Variants in COL14A1 observed in about 807,000 individuals in gnomAD.
The protein encoded by COL14A1 is collagen alpha-1(XIV) chain.
In COL14A1, 136 loss-of-function variants were observed where a neutral mutation model predicts 230.3. That is an observed-to-expected ratio of 0.59 (90% CI 0.51 to 0.68). The LOEUF (loss-of-function observed/expected upper bound fraction) is 0.68. Among genes scored for constraint, COL14A1 ranks in the 30% least tolerant of loss-of-function variants. The pLI is 0.00. For synonymous variants in COL14A1, 792 were observed against 784.1 expected, an observed-to-expected ratio of 1.01 and a Z score of -0.17; for missense variants, 1,976 against 2,215.8, an observed-to-expected ratio of 0.89 and a Z score of 2.17.
intron 34 of COL14A1, among the ~76,000 whole-genome samples, chr8:120,292,312 G>C (rs1820398035): frequency 6.6e-6 from 1 of 152,084 alleles, no homozygotes; most frequent in African/African-American, 2.4e-5. Flanking sequence ...AGCACTCTCT[G>C]TGGTTATTTC....
intron 18 of COL14A1, among the ~76,000 whole-genome samples, chr8:120,229,703 A>G (rs532672945): frequency 1.1e-4 from 16 of 152,208 alleles, no homozygotes; most frequent in African/African-American, 3.4e-4. Flanking sequence ...TTCCACAATG[A>G]TTGAACTAGT....
intron 1 of COL14A1, among the ~76,000 whole-genome samples, chr8:120,127,285 C>G (rs1814375018): frequency 6.6e-6 from 1 of 152,220 alleles, no homozygotes; most frequent in African/African-American, 2.4e-5. Flanking sequence ...CTCCTTCTCC[C>G]TGGGGATCCC....
chr8:120,208,460 C>A (rs933335517), intron 11 of COL14A1, 99 bp downstream of exon 11: 10 of 1,301,696 alleles, frequency 7.7e-6, no homozygotes, highest in Non-Finnish European at 1.1e-5. Context: ...GATAGACATC[C>A]TGAATCGAAT....
intron 26 of COL14A1, among the ~76,000 whole-genome samples, chr8:120,271,291 A>G (rs1819658855): frequency 6.6e-6 from 1 of 151,568 alleles, no homozygotes. Context: ...GAATATCTGG[A>G]TGATAAAATA....
intron 16 of COL14A1, 53 bp downstream of exon 16, chr8:120,226,819 A>G: frequency 1.3e-6 from 2 of 1,549,470 alleles, no homozygotes; most frequent in Non-Finnish European, 1.8e-6. Context: ...GTGAATACCT[A>G]CTGCTGCTGG....
At chr8:120,323,931 G>A (rs1305789957) in intron 40 of COL14A1, among the ~76,000 whole-genome samples, 1 of 152,170 alleles carries the variant, frequency 6.6e-6, no homozygotes. Flanking sequence ...CAACATGGAT[G>A]GAGCTGGAGG....
At chr8:120,206,199 C>G (rs1201399115) in intron 9 of COL14A1, among the ~76,000 whole-genome samples, 5 of 152,126 alleles carry the variant, frequency 3.3e-5, no homozygotes, top group Non-Finnish European at 7.3e-5. Flanking sequence ...AGACCTTGGT[C>G]AGGTTAGCTA....
At chr8:120,279,299 A>G (rs1373398179) in intron 28 of COL14A1, among the ~76,000 whole-genome samples, 1 of 152,096 alleles carries the variant, frequency 6.6e-6, no homozygotes, top group Non-Finnish European at 1.5e-5. Context: ...CGTGTATCCC[A>G]GAATTTAAAG....
chr8:120,231,802 A>C, intron 19 of COL14A1, 184 bp downstream of exon 19: 1 of 583,148 alleles, frequency 1.7e-6, no homozygotes, highest in Non-Finnish European at 2.9e-6. Context: ...ATAAATCCAA[A>C]ACTTGCTCCA....
chr8:120,243,209 C>T (rs575874366), intron 19 of COL14A1, among the ~76,000 whole-genome samples: 5 of 152,154 alleles, frequency 3.3e-5, no homozygotes, highest in East Asian at 1.9e-4. Flanking sequence ...CTCACACTTG[C>T]GCGATGTCGA....
intron 40 of COL14A1, among the ~76,000 whole-genome samples, chr8:120,330,871 C>T (rs1167304169): frequency 2.0e-5 from 3 of 151,912 alleles, no homozygotes; most frequent in Admixed American, 1.3e-4. Flanking sequence ...TTTGGGAGGC[C>T]GAGGCAGGCA....
intron 40 of COL14A1, among the ~76,000 whole-genome samples, chr8:120,325,443 A>G (rs1395443421): frequency 6.6e-6 from 1 of 151,750 alleles, no homozygotes; most frequent in African/African-American, 2.4e-5. Flanking sequence ...ATTTCCTAAT[A>G]TTCATTGTAC....
intron 22 of COL14A1, among the ~76,000 whole-genome samples, chr8:120,252,859 T>A (rs1819019175): frequency 6.6e-6 from 1 of 152,182 alleles, no homozygotes; most frequent in South Asian, 2.1e-4. Context: ...CGCCCCCCGA[T>A]TGCATATAGG....
intron 19 of COL14A1, among the ~76,000 whole-genome samples, chr8:120,236,488 C>T (rs180907749): frequency 1.8e-3 from 271 of 151,932 alleles, no homozygotes; most frequent in Admixed American, 3.7e-3. Flanking sequence ...TTCCTCCATC[C>T]CTTTATTTTG....
At chr8:120,357,554 G>A (rs764816871) in intron 45 of COL14A1, among the ~76,000 whole-genome samples, 2 of 152,064 alleles carry the variant, frequency 1.3e-5, no homozygotes, top group African/African-American at 2.4e-5. Flanking sequence ...AGAGGAATTC[G>A]GCTGTACACT....
chr8:120,147,681 T>A, intron 1 of COL14A1, 125 bp from the exon 2 acceptor site: 1 of 538,066 alleles, frequency 1.9e-6, no homozygotes, highest in Non-Finnish European at 3.3e-6. Context: ...AAATGCACGA[T>A]GCTCTAGGGA....
intron 14 of COL14A1, among the ~76,000 whole-genome samples, chr8:120,219,943 C>T (rs896669097): frequency 6.6e-6 from 1 of 151,832 alleles, no homozygotes; most frequent in Admixed American, 6.6e-5. Flanking sequence ...ATGCATAAGC[C>T]ATGCATGGAT....
At chr8:120,137,906 C>A (rs531945749) in intron 1 of COL14A1, among the ~76,000 whole-genome samples, 1 of 151,752 alleles carries the variant, frequency 6.6e-6, no homozygotes, top group Non-Finnish European at 1.5e-5. Flanking sequence ...CCATACCCAG[C>A]CTATTATTCA....
At position 120,343,393 on chromosome 8, in the gene COL14A1, A is replaced by AT. The variant is rs1205715125; in HGVS notation, c.4888+951dup. On this transcript the variant is annotated intron_variant, in intron 44 of 47. Transcript: ENST00000297848. ...ACCTCATTGGCTTGGGGTTATATTT[A>AT]TTTTAACTCAAGAAAGTTTGGGAGT... 2.0e-5 allele frequency among the ~76,000 whole-genome samples: 3 copies of AT among 152,148 alleles called. No individual in the cohort carries two copies. The East Asian group carries it at 5.8e-4, about 29-fold the overall frequency.
Sources: allele counts gnomAD v4.1 joint callset (sites outside exome capture counted in the v4.1 genomes callset), GRCh38; gene constraint gnomAD v4.1.1; transcripts MANE v1.5; gene names NCBI Gene and HGNC (gene_info 2026-07-23, HGNC 2026-07-21).